The following FRMD4B variants were observed in gnomAD, a reference collection of about 807,000 sequenced individuals.
The protein encoded by FRMD4B is FERM domain containing 4B.
In FRMD4B, 74 loss-of-function variants were observed where a neutral mutation model predicts 141.5. The ratio of observed to expected loss-of-function variants is 0.52; its 90% CI spans 0.43 to 0.63. The LOEUF is 0.63. FRMD4B is among the 30% of genes least tolerant of loss of function. The pLI is 0.00. For missense variants in FRMD4B, 1,366 were observed against 1,253.4 expected, an observed-to-expected ratio of 1.09 and a Z score of -1.36; for synonymous variants, 506 against 467.9, an observed-to-expected ratio of 1.08 and a Z score of -1.05.
intron 2 of FRMD4B, among the ~76,000 whole-genome samples, chr3:69,398,094 T>C (rs187478591): frequency 6.6e-4 from 101 of 152,302 alleles, no homozygotes; most frequent in African/African-American, 2.2e-3. Flanking sequence ...AGCTCAGTTA[T>C]AAAACTGAGT....
intron 7 of FRMD4B, among the ~76,000 whole-genome samples, chr3:69,237,069 C>G (rs2093349745): frequency 6.6e-6 from 1 of 152,204 alleles, no homozygotes. Flanking sequence ...ATGAGAGAAA[C>G]AAGACCCACT....
At chr3:69,198,612 T>G (rs2092932759) in intron 12 of FRMD4B, 86 bp downstream of exon 12, 2 of 719,624 alleles carry the variant, frequency 2.8e-6, no homozygotes, top group African/African-American at 1.8e-5. Context: ...AAACATATGT[T>G]CATATAAAAA....
chr3:69,452,259 T>C (rs1375757492), intron 1 of FRMD4B, among the ~76,000 whole-genome samples: 3 of 152,306 alleles, frequency 2.0e-5, no homozygotes, highest in Middle Eastern at 3.4e-3. Context: ...ACAAGCATTG[T>C]AATAAGTGTG....
intron 1 of FRMD4B, among the ~76,000 whole-genome samples, chr3:69,479,345 C>T (rs201810262): frequency 5.3e-5 from 8 of 151,806 alleles, no homozygotes; most frequent in African/African-American, 7.3e-5. Context: ...TGGCTGGTAC[C>T]GGTTGTTCCT....
chr3:69,309,715 G>A (rs1257340312), intron 3 of FRMD4B, among the ~76,000 whole-genome samples: 1 of 151,606 alleles, frequency 6.6e-6, no homozygotes, highest in African/African-American at 2.4e-5. Context: ...CCAAAGTGCG[G>A]GGATTACAAG....
In FRMD4B at chr3:69,472,298, C is replaced by T. The variant is rs113415290; in HGVS notation, c.-128-39537G>A. The T allele has an allele frequency of 5.0e-3, 2,106 of 419,390 alleles. 14 individuals are homozygous for T. Among genetic ancestry groups the T allele is most frequent in the South Asian group, 9.9e-3 (488 of 49,480 alleles). The allele number at this position is 419,390 out of a possible 1,614,324, so 26.0% of individuals were successfully genotyped here. A position where few individuals can be genotyped will look rare whatever the true frequency, so the allele number is the denominator to read the frequency against. ...TGTTTATGTCTGATGACATTCTCTG[C>T]AACTTTTTTTTTCTTTGCATATTAC... On this transcript the variant is annotated intron_variant, in intron 1 of 5. Coordinates refer to the FRMD4B transcript ENST00000459638.
chr3:69,531,956 A>G (rs1214572876), intron 1 of FRMD4B, among the ~76,000 whole-genome samples: 1 of 152,258 alleles, frequency 6.6e-6, no homozygotes, highest in Non-Finnish European at 1.5e-5. Context: ...CTGGAGGTAT[A>G]TAAAACACTA....
chr3:69,193,671 C>G lies in FRMD4B; in HGVS notation c.1691G>C (p.Ser564Thr), dbSNP rs2092865615. Reference protein sequence around the residue: ...EYRIRCGKKPSQKATVLPEDI... With the variant: ...EYRIRCGKKPTQKATVLPEDI... ...ACCTGGTAACACTGTTGCTTTCTGG[C>G]TGGGTTTCTTTCCACACCTAATTCG... The change falls in exon 17 of 23, where the codon AGC (serine) becomes ACC (threonine). Residue 564 changes from serine to threonine, a missense_variant. By Grantham distance (58) the Ser-to-Thr change is moderately conservative (BLOSUM62 1). Transcript: ENST00000398540. The G allele has an allele frequency of 6.2e-7, 1 of 1,610,734 alleles. No homozygotes were observed. Among genetic ancestry groups the G allele is most frequent in the East Asian group, 2.2e-5 (1 of 44,864 alleles).
At chr3:69,258,664 C>T (rs2093507480) in intron 5 of FRMD4B, among the ~76,000 whole-genome samples, 1 of 152,068 alleles carries the variant, frequency 6.6e-6, no homozygotes, top group Non-Finnish European at 1.5e-5. Flanking sequence ...TTGAGAACCT[C>T]TGTTTGATCT....
At chr3:69,463,540 C>T (rs1380746954) in intron 1 of FRMD4B, among the ~76,000 whole-genome samples, 3 of 152,170 alleles carry the variant, frequency 2.0e-5, no homozygotes, top group Non-Finnish European at 4.4e-5. Flanking sequence ...TTTTTATCTT[C>T]ATTATAAGTC....
rs532312085 is a variant in FRMD4B, at chr3:69,468,247, T to C, written c.-128-35486A>G. Among the ~76,000 whole-genome samples, 253 of 152,224 alleles carry C rather than the reference T, an allele frequency of 1.7e-3. 1 individual carries two copies. The highest frequency in any genetic ancestry group is 5.9e-3 in the African/African-American group (243 of 41,524). On this transcript the variant is annotated intron_variant, in intron 1 of 5. Coordinates refer to the FRMD4B transcript ENST00000459638. ...GATCCTCATGAACTCCCAACAATCA[T>C]CAATTCATGAATAGTCTTGTTCGGA...
chr3:69,452,817 A>G (rs1176613581), intron 1 of FRMD4B, among the ~76,000 whole-genome samples: 7 of 152,262 alleles, frequency 4.6e-5, no homozygotes, highest in Non-Finnish European at 1.0e-4. Flanking sequence ...TGACAGGCAC[A>G]TGTATAATTT....
Position 69,198,938 on chromosome 3 carries a change from C to G in FRMD4B, c.877-164G>C. The G allele has an allele frequency of 5.0e-6, 3 of 598,782 alleles. No individual in the cohort carries two copies. The South Asian group carries it at 6.3e-5, about 13-fold the overall frequency. The allele number at this position is 598,782 out of a possible 1,614,324, so 37.1% of individuals were successfully genotyped here. A position where few individuals can be genotyped will look rare whatever the true frequency, so the allele number is the denominator to read the frequency against. ...TTTACAAATCAACTATGACCTGAAA[C>G]CATTTTATTCCTTCTTCTGGCAGCA... On this transcript the variant is annotated intron_variant, in intron 11 of 22. Coordinates refer to ENST00000398540, the MANE Select transcript of FRMD4B (RefSeq NM_015123.3).
intron 3 of FRMD4B, chr3:69,310,553 AACAC>A (rs138025208): frequency 1.3e-4 from 39 of 296,076 alleles, no homozygotes; most frequent in Admixed American, 3.0e-4. Context: ...CACACAGACA[AACAC>A]ACACACACAC....
intron 17 of FRMD4B, among the ~76,000 whole-genome samples, 196 bp from the exon 18 acceptor site, chr3:69,190,148 G>A (rs749871702): frequency 4.6e-5 from 7 of 152,088 alleles, no homozygotes; most frequent in Non-Finnish European, 8.8e-5. Flanking sequence ...CATATTGTAC[G>A]AATATCACAT....
chr3:69,412,966 A>G (rs1704785617), intron 2 of FRMD4B, among the ~76,000 whole-genome samples: 1 of 142,502 alleles, frequency 7.0e-6, no homozygotes, highest in Non-Finnish European at 1.5e-5. Context: ...GTGGTTACCT[A>G]TTATCACCGA....
At chr3:69,500,759 T>G (rs1475149978) in intron 1 of FRMD4B, among the ~76,000 whole-genome samples, 4 of 138,980 alleles carry the variant, frequency 2.9e-5, no homozygotes, top group African/African-American at 8.2e-5. Context: ...TGCCCAGAAG[T>G]GGGAGAGAGA....
At chr3:69,398,495 G>A (rs1311566068) in intron 2 of FRMD4B, among the ~76,000 whole-genome samples, 1 of 152,118 alleles carries the variant, frequency 6.6e-6, no homozygotes, top group African/African-American at 2.4e-5. Flanking sequence ...AGAATGCATT[G>A]CTCTTATCTA....
intron 1 of FRMD4B, among the ~76,000 whole-genome samples, chr3:69,535,089 T>G (rs1701064669): frequency 6.6e-6 from 1 of 152,206 alleles, no homozygotes; most frequent in Non-Finnish European, 1.5e-5. Context: ...GGAATTCTTA[T>G]AATCCCCACT....
Sources: gnomAD v4.1 joint callset for allele counts (sites outside exome capture counted in the v4.1 genomes callset) on GRCh38, gnomAD v4.1.1 for gene constraint, MANE v1.5 for transcripts, NCBI Gene and HGNC (gene_info 2026-07-23, HGNC 2026-07-21) for gene names.